The following COL5A2 variants were observed in gnomAD, a reference collection of about 807,000 sequenced individuals.
The protein encoded by COL5A2 is collagen type V alpha 2 chain.
Under a neutral mutation model 208.2 loss-of-function variants are expected in COL5A2, and 23 were observed. The observed-to-expected ratio is 0.11, with a 90% CI of 0.08 to 0.16. The LOEUF (loss-of-function observed/expected upper bound fraction) is 0.16. Among genes scored for constraint, COL5A2 ranks in the 10% least tolerant of loss-of-function variants. The probability of loss-of-function intolerance (pLI) is 1.00; values close to 1 mark genes in which losing one functional copy is unlikely to be tolerated. For missense variants in COL5A2, 1,590 were observed against 1,956.4 expected (o/e 0.81, Z 3.53); for synonymous variants, 625 against 628.5 (o/e 0.99, Z 0.08).
At chr2:189,379,130 A>G in the COL5A2 span, among the ~76,000 whole-genome samples, 1 of 152,184 alleles carries the variant, frequency 6.6e-6, no homozygotes, top group African/African-American at 2.4e-5. Flanking sequence ...GCACCGGCAT[A>G]CTAGCTTTGT....
intron 1 of COL5A2, among the ~76,000 whole-genome samples, chr2:189,178,687 G>A (rs1159379796): frequency 1.4e-5 from 2 of 145,028 alleles, no homozygotes; most frequent in African/African-American, 5.2e-5. Context: ...AAAAAATGTG[G>A]TCACCAGGCA....
chr2:189,036,929 T>TG (rs981322742), intron 51 of COL5A2, 126 bp from the exon 52 acceptor site: 2 of 793,050 alleles, frequency 2.5e-6, no homozygotes, highest in African/African-American at 3.5e-5. Context: ...TAAGTGAGAG[T>TG]GCCCCTTACG....
chr2:189,317,316 A>G, the COL5A2 span, among the ~76,000 whole-genome samples: 1 of 152,106 alleles, frequency 6.6e-6, no homozygotes. Context: ...CCTCTATATA[A>G]ATTATAAGAA....
chr2:189,084,294 T>C (rs1018708530), intron 11 of COL5A2, among the ~76,000 whole-genome samples: 9 of 152,342 alleles, frequency 5.9e-5, no homozygotes, highest in African/African-American at 2.2e-4. Flanking sequence ...TTTCTTGGTC[T>C]GATGTAGCTC....
the COL5A2 span, among the ~76,000 whole-genome samples, chr2:189,236,019 C>T: frequency 6.6e-6 from 1 of 151,348 alleles, no homozygotes; most frequent in African/African-American, 2.4e-5. Context: ...AAAAAAACAC[C>T]TGAACACCAA....
chr2:189,331,518 T>C, the COL5A2 span, among the ~76,000 whole-genome samples: 2 of 152,074 alleles, frequency 1.3e-5, no homozygotes, highest in African/African-American at 4.8e-5. Context: ...AGTGAATAAG[T>C]CTCATGAGAT....
At chr2:189,378,040 G>T in the COL5A2 span, among the ~76,000 whole-genome samples, 1 of 152,234 alleles carries the variant, frequency 6.6e-6, no homozygotes, top group Non-Finnish European at 1.5e-5. Context: ...CGAGCTGCTT[G>T]TAATTTATTA....
chr2:189,233,739 T>A, the COL5A2 span, among the ~76,000 whole-genome samples: 2 of 151,714 alleles, frequency 1.3e-5, no homozygotes, highest in East Asian at 1.9e-4. Context: ...GTACCTCAAA[T>A]TTTAAAGCGA....
intron 6 of COL5A2, among the ~76,000 whole-genome samples, chr2:189,093,098 T>C (rs1324785002): frequency 6.6e-6 from 1 of 152,154 alleles, no homozygotes; most frequent in Non-Finnish European, 1.5e-5. Context: ...CAAGTCTAAG[T>C]TCTCAGAGAA....
the COL5A2 span, among the ~76,000 whole-genome samples, chr2:189,275,664 G>C: frequency 6.6e-6 from 1 of 151,808 alleles, no homozygotes; most frequent in Admixed American, 6.6e-5. Context: ...TATTGGCCAG[G>C]CTGGTCTTGA....
chr2:189,134,145 G>A (rs1488220855), intron 1 of COL5A2, among the ~76,000 whole-genome samples: 1 of 152,134 alleles, frequency 6.6e-6, no homozygotes, highest in Non-Finnish European at 1.5e-5. Context: ...CCTCCATTCT[G>A]TATTAAAGCC....
chr2:189,292,706 G>C, the COL5A2 span, among the ~76,000 whole-genome samples: 1 of 152,142 alleles, frequency 6.6e-6, no homozygotes, highest in Non-Finnish European at 1.5e-5. Flanking sequence ...CGATTCCTCA[G>C]GGATCTAGAA....
chr2:189,362,078 T>C, the COL5A2 span, among the ~76,000 whole-genome samples: 2 of 152,158 alleles, frequency 1.3e-5, no homozygotes, highest in Admixed American at 1.3e-4. Flanking sequence ...TATTATAAAT[T>C]TGTCCGTTTC....
intron 1 of COL5A2, among the ~76,000 whole-genome samples, chr2:189,120,772 G>GT (rs1280152329): frequency 2.6e-5 from 4 of 152,282 alleles, no homozygotes; most frequent in Admixed American, 2.0e-4. Flanking sequence ...TAAGGCCACA[G>GT]TTTAGAGATC....
the COL5A2 span, among the ~76,000 whole-genome samples, chr2:189,322,924 A>G: frequency 1.3e-5 from 2 of 152,238 alleles, no homozygotes; most frequent in African/African-American, 4.8e-5. Context: ...AAAAATCCTC[A>G]ATAAAATAGT....
chr2:189,179,909 A>C, upstream of COL5A2: 1 of 557,838 alleles, frequency 1.8e-6, no homozygotes, highest in Non-Finnish European at 3.2e-6. Flanking sequence ...AAATCAGAAC[A>C]CGCGTCTCTG....
chr2:189,346,373 T>G, the COL5A2 span, among the ~76,000 whole-genome samples: 1 of 152,180 alleles, frequency 6.6e-6, no homozygotes, highest in Non-Finnish European at 1.5e-5. Flanking sequence ...TAAGATCCTT[T>G]TGCAAGGAAA....
At chr2:189,139,199 C>T (rs886179405) in intron 1 of COL5A2, among the ~76,000 whole-genome samples, 1 of 152,122 alleles carries the variant, frequency 6.6e-6, no homozygotes, top group South Asian at 2.1e-4. Flanking sequence ...CACTTGAACC[C>T]AGGAGGCAGA....
At chr2:189,266,593 T>C in the COL5A2 span, among the ~76,000 whole-genome samples, 1 of 152,010 alleles carries the variant, frequency 6.6e-6, no homozygotes, top group African/African-American at 2.4e-5. Context: ...GAAAGTAGAT[T>C]AGTGGTTGTT....
Sources: allele counts gnomAD v4.1 joint callset (sites outside exome capture counted in the v4.1 genomes callset), GRCh38; gene constraint gnomAD v4.1.1; transcripts MANE v1.5; gene names NCBI Gene and HGNC (gene_info 2026-07-23, HGNC 2026-07-21).